The following EPN2 variants were observed in gnomAD, a reference collection of about 807,000 sequenced individuals.
EPN2 encodes the protein epsin 2, also known as epsin-2.
A neutral mutation model predicts 61.7 loss-of-function variants in EPN2; 34 were observed. The ratio of observed to expected loss-of-function variants is 0.55; its 90% CI spans 0.42 to 0.73. The LOEUF (loss-of-function observed/expected upper bound fraction) is 0.73. EPN2 is among the 30% of genes least tolerant of loss of function. EPN2 has a pLI of 0.00. For missense variants in EPN2, 714 were observed against 839.2 expected, an observed-to-expected ratio of 0.85 and a Z score of 1.84; for synonymous variants, 349 against 353.6, an observed-to-expected ratio of 0.99 and a Z score of 0.15.
intron 3 of EPN2, among the ~76,000 whole-genome samples, chr17:19,284,512 G>T (rs1029740788): frequency 2.6e-5 from 4 of 152,216 alleles, no homozygotes; most frequent in Non-Finnish European, 4.4e-5. Context: ...AGAGAGACAG[G>T]TGGCCCTAGT....
intron 1 of EPN2, among the ~76,000 whole-genome samples, chr17:19,266,758 A>G (rs1475499450): frequency 6.6e-6 from 1 of 151,992 alleles, no homozygotes; most frequent in East Asian, 1.9e-4. Context: ...ATAGCCAAAA[A>G]AATTAGTAAC....
chr17:19,256,181 C>T (rs928252528), intron 1 of EPN2, among the ~76,000 whole-genome samples: 1 of 152,038 alleles, frequency 6.6e-6, no homozygotes, highest in Admixed American at 6.5e-5. Context: ...TCGTGATTTG[C>T]CCACCTTGGC....
intron 4 of EPN2, among the ~76,000 whole-genome samples, chr17:19,299,471 A>G (rs1021741738): frequency 6.6e-6 from 1 of 152,222 alleles, no homozygotes; most frequent in Non-Finnish European, 1.5e-5. Context: ...CCCCTGCCCC[A>G]GCACTCTACC....
chr17:19,265,836 G>A (rs1440683698), intron 1 of EPN2, among the ~76,000 whole-genome samples: 6 of 152,096 alleles, frequency 3.9e-5, no homozygotes, highest in Non-Finnish European at 8.8e-5. Context: ...TCCTGCCTTC[G>A]TCTGGAACCT....
At chr17:19,308,903 T>C (rs574638517) in intron 4 of EPN2, among the ~76,000 whole-genome samples, 1 of 152,356 alleles carries the variant, frequency 6.6e-6, no homozygotes, top group South Asian at 2.1e-4. Flanking sequence ...GTGGGGTTTG[T>C]TACATCAGCT....
chr17:19,307,592 C>T (rs1219022151), intron 4 of EPN2, among the ~76,000 whole-genome samples: 1 of 152,240 alleles, frequency 6.6e-6, no homozygotes, highest in Non-Finnish European at 1.5e-5. Context: ...ATCTGCCTGC[C>T]TCGGCATCCC....
At chr17:19,304,748 A>G (rs1439321200) in intron 4 of EPN2, among the ~76,000 whole-genome samples, 2 of 152,230 alleles carry the variant, frequency 1.3e-5, no homozygotes, top group African/African-American at 4.8e-5. Context: ...TCAGGCTATC[A>G]CATGGACTCC....
intron 1 of EPN2, among the ~76,000 whole-genome samples, chr17:19,251,296 C>CT (rs749183498): frequency 3.3e-5 from 5 of 152,148 alleles, no homozygotes; most frequent in Non-Finnish European, 7.3e-5. Context: ...GTGTCAGCTT[C>CT]TTACTGCATC....
intron 7 of EPN2, among the ~76,000 whole-genome samples, chr17:19,323,103 A>G (rs1906717598): frequency 6.6e-6 from 1 of 152,274 alleles, no homozygotes; most frequent in East Asian, 1.9e-4. Flanking sequence ...GTGCCACCCT[A>G]ATGTCTGGTG....
At chr17:19,295,585 A>G (rs1268528243) in intron 4 of EPN2, among the ~76,000 whole-genome samples, 1 of 152,154 alleles carries the variant, frequency 6.6e-6, no homozygotes, top group Admixed American at 6.5e-5. Context: ...TTCCAGAAAT[A>G]TAGGAATGCC....
chr17:19,296,363 C>G (rs939760398), intron 4 of EPN2, among the ~76,000 whole-genome samples: 4 of 152,078 alleles, frequency 2.6e-5, no homozygotes, highest in Non-Finnish European at 5.9e-5. Flanking sequence ...GTTGACCAGG[C>G]TGGTCTTGAA....
chr17:19,245,501 A>T (rs989037666), intron 1 of EPN2, among the ~76,000 whole-genome samples: 1 of 134,052 alleles, frequency 7.5e-6, no homozygotes, highest in Non-Finnish European at 1.5e-5. Context: ...CAGCGGCGGG[A>T]TCTCAGCTCA....
chr17:19,287,811 C>T (rs528378748), intron 4 of EPN2, among the ~76,000 whole-genome samples: 51 of 152,228 alleles, frequency 3.4e-4, no homozygotes, highest in South Asian at 4.1e-4. Flanking sequence ...GTGTGACTGG[C>T]GATAATCATG....
chr17:19,311,901 G>A (rs1354506078), intron 5 of EPN2, 151 bp from the exon 6 acceptor site: 1 of 666,268 alleles, frequency 1.5e-6, no homozygotes, highest in Admixed American at 2.4e-5. Flanking sequence ...ACACATTTGG[G>A]ATTTGAAAGT....
rs1266490830 is a variant in EPN2 at position 19,283,912 on chromosome 17, G to T, written c.595+198G>T. ...TTATAAAGGGACTTTTAGTCCCTTG[G>T]CTGCTCTGGTTCAGGGATCTCTAAC... On this transcript the variant is annotated intron_variant, in intron 3 of 10. Coordinates refer to ENST00000314728, the MANE Select transcript of EPN2 (RefSeq NM_014964.5). This position sits in a 1 kb window ranked among gnomAD's most constrained non-coding sequence, Gnocchi z 7.0. Among the ~76,000 whole-genome samples, 4 of 152,182 alleles carry T rather than the reference G, an allele frequency of 2.6e-5. No individual in the cohort carries two copies. Among genetic ancestry groups the T allele is most frequent in the African/African-American group, 9.7e-5 (4 of 41,442 alleles).
At chr17:19,247,064 C>G (rs1487620005) in intron 1 of EPN2, among the ~76,000 whole-genome samples, 2 of 151,088 alleles carry the variant, frequency 1.3e-5, no homozygotes, top group Non-Finnish European at 2.9e-5. Flanking sequence ...GCCACTGCGC[C>G]CAGCCCCCTG....
intron 1 of EPN2, among the ~76,000 whole-genome samples, chr17:19,238,464 G>A (rs756953030): frequency 2.0e-5 from 3 of 152,214 alleles, no homozygotes; most frequent in Non-Finnish European, 4.4e-5. Context: ...GCTTGTGGAA[G>A]GCCGTTTCTC....
intron 1 of EPN2, among the ~76,000 whole-genome samples, chr17:19,267,115 A>G (rs2045207608): frequency 1.3e-5 from 2 of 151,236 alleles, no homozygotes; most frequent in Non-Finnish European, 2.9e-5. Context: ...CTGGGATGAC[A>G]GGCGTGAGCC....
At chr17:19,331,047 CAGAT>C (rs1350625221) in intron 9 of EPN2, among the ~76,000 whole-genome samples, 24 of 152,220 alleles carry the variant, frequency 1.6e-4, no homozygotes, top group African/African-American at 5.8e-4. Flanking sequence ...CTCATATTGT[CAGAT>C]AGAGTTGTCC....
Sources: allele counts gnomAD v4.1 joint callset (sites outside exome capture counted in the v4.1 genomes callset), GRCh38; gene constraint gnomAD v4.1.1; non-coding constraint Gnocchi (gnomAD v3.1); transcripts MANE v1.5; gene names NCBI Gene and HGNC (gene_info 2026-07-23, HGNC 2026-07-21).